The following CDH13 variants were observed in gnomAD, a reference collection of about 807,000 sequenced individuals.
CDH13 encodes cadherin 13, also known as cadherin-13.
In CDH13, 24 loss-of-function variants were observed where a neutral mutation model predicts 63.8. That is an observed-to-expected ratio of 0.38 (90% CI 0.27 to 0.53). The LOEUF is 0.53. Among genes scored for constraint, CDH13 ranks in the 20% least tolerant of loss-of-function variants. The pLI is 0.85. For missense variants in CDH13, 1,049 were observed against 903.1 expected, an observed-to-expected ratio of 1.16 and a Z score of -2.07; for synonymous variants, 503 against 355.3, an observed-to-expected ratio of 1.42 and a Z score of -4.67.
chr16:82,734,171 T>A (rs1470913671), intron 1 of CDH13, among the ~76,000 whole-genome samples: 1 of 152,258 alleles, frequency 6.6e-6, no homozygotes, highest in Admixed American at 6.5e-5. Context: ...TTTGGCCCAC[T>A]ACTTGTTTTC....
chr16:82,975,570 T>G (rs945544208), intron 2 of CDH13, among the ~76,000 whole-genome samples: 3 of 152,234 alleles, frequency 2.0e-5, no homozygotes, highest in Non-Finnish European at 4.4e-5. Flanking sequence ...GTGAATGGTA[T>G]AGAGTTGGCA....
intron 4 of CDH13, among the ~76,000 whole-genome samples, chr16:83,194,358 A>C (rs977692680): frequency 6.6e-6 from 1 of 152,204 alleles, no homozygotes; most frequent in African/African-American, 2.4e-5. Flanking sequence ...TTAAAAGCAA[A>C]ATGACTGACT....
intron 4 of CDH13, among the ~76,000 whole-genome samples, chr16:83,211,218 A>G (rs1291304511): frequency 6.6e-6 from 1 of 152,126 alleles, no homozygotes; most frequent in Non-Finnish European, 1.5e-5. Context: ...TCTAGTTAAT[A>G]GTCAAGTATC....
intron 3 of CDH13, among the ~76,000 whole-genome samples, chr16:83,102,719 T>C (rs1013748505): frequency 2.5e-4 from 38 of 152,000 alleles, no homozygotes; most frequent in Admixed American, 2.2e-3. Context: ...AGGATTGTGT[T>C]TTGATCCAGG....
chr16:83,730,527 C>T (rs1030931521), intron 10 of CDH13, among the ~76,000 whole-genome samples: 1 of 152,214 alleles, frequency 6.6e-6, no homozygotes, highest in Non-Finnish European at 1.5e-5. Context: ...TTTTTAAAAT[C>T]ACAATTCGAT....
intron 1 of CDH13, among the ~76,000 whole-genome samples, chr16:82,727,010 C>A (rs1281608612): frequency 1.3e-5 from 2 of 152,108 alleles, no homozygotes; most frequent in African/African-American, 2.4e-5. Context: ...TGTTCTTCTT[C>A]TAATGAAGTG....
At chr16:83,225,208 A>G (rs2039805227) in intron 5 of CDH13, among the ~76,000 whole-genome samples, 1 of 152,218 alleles carries the variant, frequency 6.6e-6, no homozygotes, top group South Asian at 2.1e-4. Flanking sequence ...TTGGGTATTA[A>G]CATCATGGCA....
intron 5 of CDH13, among the ~76,000 whole-genome samples, chr16:83,309,809 A>G (rs1439287268): frequency 6.9e-6 from 1 of 144,958 alleles, no homozygotes; most frequent in Non-Finnish European, 1.5e-5. Context: ...CTCCCATGGG[A>G]TTTTTTTTTT....
intron 10 of CDH13, among the ~76,000 whole-genome samples, chr16:83,680,706 C>T (rs1915333963): frequency 1.3e-5 from 2 of 152,080 alleles, no homozygotes; most frequent in Non-Finnish European, 2.9e-5. Context: ...TGAGGATCTT[C>T]CTGTTTCTCT....
At chr16:82,985,223 T>G (rs1365759244) in intron 2 of CDH13, among the ~76,000 whole-genome samples, 1 of 152,180 alleles carries the variant, frequency 6.6e-6, no homozygotes, top group Non-Finnish European at 1.5e-5. Context: ...AACTGTAGTG[T>G]CAGTATCTCT....
chr16:83,570,073 T>G (rs1049024221), intron 7 of CDH13, among the ~76,000 whole-genome samples: 2 of 152,146 alleles, frequency 1.3e-5, no homozygotes, highest in African/African-American at 4.8e-5. Flanking sequence ...ATCCATTCCC[T>G]TTCTCAGACT....
At chr16:83,773,873 A>C (rs1914927178) in intron 11 of CDH13, among the ~76,000 whole-genome samples, 1 of 152,096 alleles carries the variant, frequency 6.6e-6, no homozygotes, top group South Asian at 2.1e-4. Context: ...TACCCCACAG[A>C]GGCCCATTTC....
At chr16:83,090,680 C>T (rs1364650410) in intron 3 of CDH13, among the ~76,000 whole-genome samples, 1 of 152,034 alleles carries the variant, frequency 6.6e-6, no homozygotes, top group Non-Finnish European at 1.5e-5. Flanking sequence ...CTCTGACTGA[C>T]TCTCAAGTCT....
At chr16:82,919,880 T>C (rs2042101712) in intron 2 of CDH13, among the ~76,000 whole-genome samples, 1 of 152,208 alleles carries the variant, frequency 6.6e-6, no homozygotes, top group Non-Finnish European at 1.5e-5. Flanking sequence ...ACAGAAATAA[T>C]AGTCCTTGCC....
intron 11 of CDH13, among the ~76,000 whole-genome samples, chr16:83,777,429 A>C (rs891465409): frequency 6.6e-6 from 1 of 152,212 alleles, no homozygotes; most frequent in East Asian, 1.9e-4. Flanking sequence ...GAGTCTTGGC[A>C]GAACACCCTG....
intron 2 of CDH13, among the ~76,000 whole-genome samples, chr16:82,914,553 G>T (rs1216174031): frequency 6.6e-6 from 1 of 152,178 alleles, no homozygotes; most frequent in Non-Finnish European, 1.5e-5. Flanking sequence ...AGTAGTTAAA[G>T]AGTCTGACGT....
At chr16:83,667,039 A>T (rs930454196) in intron 8 of CDH13, among the ~76,000 whole-genome samples, 1 of 149,834 alleles carries the variant, frequency 6.7e-6, no homozygotes, top group East Asian at 2.0e-4. Flanking sequence ...GGGTGGATGG[A>T]TGAATGGAAG....
chr16:82,843,365 T>G (rs1408552204), intron 1 of CDH13, among the ~76,000 whole-genome samples: 1 of 152,216 alleles, frequency 6.6e-6, no homozygotes, highest in Non-Finnish European at 1.5e-5. Flanking sequence ...TTCAGGATGG[T>G]CAAATGTTTG....
chr16:82,936,078 TG>T (rs759623915), intron 2 of CDH13, among the ~76,000 whole-genome samples: 1 of 152,130 alleles, frequency 6.6e-6, no homozygotes, highest in Non-Finnish European at 1.5e-5. Context: ...TCCAGTTGAT[TG>T]GCACCATCTT....
Sources: allele counts gnomAD v4.1 joint callset (sites outside exome capture counted in the v4.1 genomes callset), GRCh38; gene constraint gnomAD v4.1.1; transcripts MANE v1.5; gene names NCBI Gene and HGNC (gene_info 2026-07-23, HGNC 2026-07-21).